Variants in NXPH1 observed in about 807,000 individuals in gnomAD.
NXPH1 encodes the protein neurexophilin 1.
Under a neutral mutation model 23.7 loss-of-function variants are expected in NXPH1, and 5 were observed. That is an observed-to-expected ratio of 0.21 (90% CI 0.11 to 0.44). The LOEUF (loss-of-function observed/expected upper bound fraction) is 0.44. Ranked by LOEUF, NXPH1 falls within the 20% of genes least tolerant of loss-of-function variation. NXPH1 has a pLI of 0.99. For synonymous variants in NXPH1, 144 were observed against 122.2 expected (o/e 1.18, Z -1.18); for missense variants, 324 against 321.6 (o/e 1.01, Z -0.06).
chr7:8,545,501 G>A (rs1185337439), intron 2 of NXPH1, among the ~76,000 whole-genome samples: 1 of 151,304 alleles, frequency 6.6e-6, no homozygotes, highest in African/African-American at 2.4e-5. Context: ...ATTTTACTTC[G>A]AGGGCATATG....
At chr7:8,498,512 CA>C (rs1472679878) in intron 2 of NXPH1, among the ~76,000 whole-genome samples, 1 of 152,024 alleles carries the variant, frequency 6.6e-6, no homozygotes, top group Non-Finnish European at 1.5e-5. Flanking sequence ...ATAAAATTTG[CA>C]AACCAGAAGG....
intron 2 of NXPH1, among the ~76,000 whole-genome samples, chr7:8,625,496 G>C (rs529739546): frequency 1.3e-5 from 2 of 152,044 alleles, no homozygotes; most frequent in South Asian, 2.1e-4. Context: ...TGCTTTTCCT[G>C]GTCAATTAAC....
intron 2 of NXPH1, among the ~76,000 whole-genome samples, chr7:8,595,857 C>G (rs571885276): frequency 2.0e-5 from 3 of 151,792 alleles, no homozygotes; most frequent in Non-Finnish European, 4.4e-5. Context: ...GATTATGTAC[C>G]CATTTGAGGC....
intron 2 of NXPH1, among the ~76,000 whole-genome samples, chr7:8,696,610 T>C (rs1232562930): frequency 2.0e-5 from 3 of 152,094 alleles, no homozygotes; most frequent in African/African-American, 7.2e-5. Flanking sequence ...TTTCCAGGCA[T>C]ATAGTTCCAG....
chr7:8,468,661 C>G (rs1440627153), intron 2 of NXPH1, among the ~76,000 whole-genome samples: 2 of 152,014 alleles, frequency 1.3e-5, no homozygotes, highest in Non-Finnish European at 2.9e-5. Context: ...CAAGATAATA[C>G]TGGCTTTGGA....
intron 2 of NXPH1, among the ~76,000 whole-genome samples, chr7:8,586,210 A>T (rs1015049290): frequency 6.6e-6 from 1 of 152,136 alleles, no homozygotes; most frequent in Admixed American, 6.5e-5. Context: ...AAATGCTGGA[A>T]ATTCAAATCC....
intron 2 of NXPH1, among the ~76,000 whole-genome samples, chr7:8,553,506 A>G (rs1052102187): frequency 6.6e-5 from 10 of 151,594 alleles, no homozygotes; most frequent in African/African-American, 2.2e-4. Context: ...AGCCTAGGCC[A>G]GTTTTATGAC....
chr7:8,531,255 A>C (rs963668390), intron 2 of NXPH1, among the ~76,000 whole-genome samples: 2 of 152,190 alleles, frequency 1.3e-5, no homozygotes, highest in Non-Finnish European at 2.9e-5. Context: ...TACCTGAAAA[A>C]TTTGAAACAG....
intron 2 of NXPH1, among the ~76,000 whole-genome samples, chr7:8,457,263 T>C (rs1816612330): frequency 6.6e-6 from 1 of 152,174 alleles, no homozygotes; most frequent in South Asian, 2.1e-4. Flanking sequence ...GAAATAAATG[T>C]CTACTTCTCT....
At chr7:8,575,271 T>G (rs1818730481) in intron 2 of NXPH1, among the ~76,000 whole-genome samples, 2 of 152,200 alleles carry the variant, frequency 1.3e-5, no homozygotes, top group Non-Finnish European at 2.9e-5. Flanking sequence ...GTTTTCTTAC[T>G]TCATACTCTT....
chr7:8,477,151 C>T (rs1364392183), intron 2 of NXPH1, among the ~76,000 whole-genome samples: 1 of 151,992 alleles, frequency 6.6e-6, no homozygotes, highest in Non-Finnish European at 1.5e-5. Context: ...ATGGAGACAA[C>T]CATATGGGGC....
chr7:8,592,353 A>G (rs954669533), intron 2 of NXPH1, among the ~76,000 whole-genome samples: 1 of 151,982 alleles, frequency 6.6e-6, no homozygotes, highest in African/African-American at 2.4e-5. Context: ...TCCATAATCC[A>G]TGCATGACAG....
At chr7:8,667,006 C>T (rs1414967325) in intron 2 of NXPH1, among the ~76,000 whole-genome samples, 4 of 152,012 alleles carry the variant, frequency 2.6e-5, no homozygotes, top group Non-Finnish European at 1.5e-5. Context: ...ATGAGGCTTG[C>T]TTAGAACATC....
intron 2 of NXPH1, among the ~76,000 whole-genome samples, chr7:8,606,614 C>T (rs1345800491): frequency 1.3e-5 from 2 of 152,084 alleles, no homozygotes; most frequent in Non-Finnish European, 2.9e-5. Context: ...TTTGACCCTC[C>T]TTTTGTACTG....
chr7:8,708,314 GAT>G (rs1355893513), intron 2 of NXPH1, among the ~76,000 whole-genome samples: 4 of 152,036 alleles, frequency 2.6e-5, no homozygotes, highest in Admixed American at 6.6e-5. Flanking sequence ...TAGATTAAGA[GAT>G]ATGTGTACCT....
intron 2 of NXPH1, among the ~76,000 whole-genome samples, chr7:8,615,382 C>T (rs1410047835): frequency 6.6e-6 from 1 of 152,096 alleles, no homozygotes; most frequent in East Asian, 1.9e-4. Context: ...ATGATACAAA[C>T]CTCTTAAGGT....
At chr7:8,701,515 C>T (rs148656577) in intron 2 of NXPH1, among the ~76,000 whole-genome samples, 21 of 152,158 alleles carry the variant, frequency 1.4e-4, no homozygotes, top group Middle Eastern at 3.4e-3. Flanking sequence ...CTTCGTAATG[C>T]GGCTGTCTTA....
chr7:8,669,267 G>T (rs1004501094), intron 2 of NXPH1, among the ~76,000 whole-genome samples: 4 of 152,174 alleles, frequency 2.6e-5, no homozygotes, highest in African/African-American at 9.7e-5. Flanking sequence ...AGCTAGCCCT[G>T]TGTGGACCTG....
intron 2 of NXPH1, among the ~76,000 whole-genome samples, chr7:8,463,545 T>C (rs1350475581): frequency 6.6e-6 from 1 of 152,198 alleles, no homozygotes; most frequent in Non-Finnish European, 1.5e-5. Context: ...AAAAGTTTTG[T>C]CCCAAGTTAT....
Sources: allele counts gnomAD v4.1 joint callset (sites outside exome capture counted in the v4.1 genomes callset), GRCh38; gene constraint gnomAD v4.1.1; transcripts MANE v1.5; gene names NCBI Gene and HGNC (gene_info 2026-07-23, HGNC 2026-07-21).